Variants in RBFOX1 observed in about 807,000 individuals in gnomAD.
The protein encoded by RBFOX1 is RNA binding fox-1 homolog 1.
A neutral mutation model predicts 57.7 loss-of-function variants in RBFOX1; 8 were observed. The ratio of observed to expected loss-of-function variants is 0.14; its 90% CI spans 0.08 to 0.25. The LOEUF (loss-of-function observed/expected upper bound fraction) is 0.25, where lower values mean the gene tolerates loss of function less well. Among genes scored for constraint, RBFOX1 ranks in the 10% least tolerant of loss-of-function variants. RBFOX1 has a pLI of 1.00. For synonymous variants in RBFOX1, 326 were observed against 222.4 expected (o/e 1.47, Z -4.15); for missense variants, 611 against 548.5 (o/e 1.11, Z -1.14).
intron 4 of RBFOX1, among the ~76,000 whole-genome samples, chr16:7,219,966 A>C (rs1299029553): frequency 6.6e-6 from 1 of 152,206 alleles, no homozygotes; most frequent in Non-Finnish European, 1.5e-5. Flanking sequence ...ATTCAAACCA[A>C]TTGAATCTGA....
At chr16:5,530,535 T>G (rs1482487105) in intron 2 of RBFOX1, among the ~76,000 whole-genome samples, 1 of 152,214 alleles carries the variant, frequency 6.6e-6, no homozygotes, top group Non-Finnish European at 1.5e-5. Flanking sequence ...TAGGTGTTAC[T>G]CTCTGCGGCA....
chr16:7,295,538 C>T (rs985143262), intron 4 of RBFOX1, among the ~76,000 whole-genome samples: 2 of 152,030 alleles, frequency 1.3e-5, no homozygotes, highest in Non-Finnish European at 1.5e-5. Context: ...CATTATTCTC[C>T]TTAGAATGAA....
chr16:5,894,392 C>G (rs1048265961), intron 4 of RBFOX1, among the ~76,000 whole-genome samples: 20 of 152,160 alleles, frequency 1.3e-4, no homozygotes, highest in African/African-American at 4.1e-4. Context: ...CAGTGATTCT[C>G]TTGCCTCAGC....
chr16:7,199,549 A>C (rs1380604153), intron 4 of RBFOX1, among the ~76,000 whole-genome samples: 3 of 152,188 alleles, frequency 2.0e-5, no homozygotes, highest in Non-Finnish European at 4.4e-5. Flanking sequence ...AATGGTATCT[A>C]CTTCCATACA....
intron 4 of RBFOX1, among the ~76,000 whole-genome samples, chr16:7,255,411 G>C (rs577386584): frequency 1.3e-3 from 202 of 152,260 alleles, no homozygotes; most frequent in Non-Finnish European, 2.6e-3. Flanking sequence ...TAGGGGATTG[G>C]TTTAATAACA....
chr16:7,364,355 C>T (rs17648229), intron 4 of RBFOX1, among the ~76,000 whole-genome samples: 69,927 of 151,782 alleles, frequency 0.46, 18,016 homozygotes, highest in East Asian at 0.73. Context: ...TGAATTTGTC[C>T]TTTTTAAGAG....
intron 4 of RBFOX1, among the ~76,000 whole-genome samples, chr16:5,981,466 T>A (rs908504336): frequency 6.6e-6 from 1 of 152,162 alleles, no homozygotes; most frequent in African/African-American, 2.4e-5. Flanking sequence ...GTGTGATGTT[T>A]TATTTTATTA....
chr16:6,850,674 C>A (rs149267429), intron 3 of RBFOX1, among the ~76,000 whole-genome samples: 4 of 152,016 alleles, frequency 2.6e-5, no homozygotes, highest in African/African-American at 4.8e-5. Context: ...TTTTAACTTC[C>A]GTTACATATA....
chr16:7,252,392 G>T (rs750145028), intron 4 of RBFOX1, among the ~76,000 whole-genome samples: 1 of 152,184 alleles, frequency 6.6e-6, no homozygotes, highest in Non-Finnish European at 1.5e-5. Context: ...CATCTGGCTG[G>T]GGCAGAGGTC....
chr16:7,205,924 T>A (rs2152750848), intron 4 of RBFOX1, among the ~76,000 whole-genome samples: 1 of 152,354 alleles, frequency 6.6e-6, no homozygotes, highest in South Asian at 2.1e-4. Flanking sequence ...GTGTTTATGC[T>A]AGAATACAGG....
At chr16:5,729,726 C>G (rs961657494) in intron 3 of RBFOX1, among the ~76,000 whole-genome samples, 1 of 152,140 alleles carries the variant, frequency 6.6e-6, no homozygotes, top group East Asian at 1.9e-4. Context: ...TTCTTCTACT[C>G]TTATCGCAAC....
intron 4 of RBFOX1, among the ~76,000 whole-genome samples, chr16:5,871,802 T>C (rs984698132): frequency 6.6e-6 from 1 of 152,226 alleles, no homozygotes; most frequent in Non-Finnish European, 1.5e-5. Flanking sequence ...GTTGATACTT[T>C]AATGGCAATG....
chr16:6,394,630 T>C (rs1338224113), intron 2 of RBFOX1, among the ~76,000 whole-genome samples: 1 of 151,558 alleles, frequency 6.6e-6, no homozygotes. Flanking sequence ...ACTAGGTATC[T>C]AATATATATA....
At chr16:6,335,528 C>G (rs1025265726) in intron 2 of RBFOX1, among the ~76,000 whole-genome samples, 1 of 151,312 alleles carries the variant, frequency 6.6e-6, no homozygotes, top group Non-Finnish European at 1.5e-5. Context: ...GCCTGTAATC[C>G]CAGCACTTTG....
At chr16:7,327,955 C>A (rs1019158317) in intron 4 of RBFOX1, among the ~76,000 whole-genome samples, 1 of 152,078 alleles carries the variant, frequency 6.6e-6, no homozygotes, top group East Asian at 1.9e-4. Context: ...TCTCTAGATA[C>A]CCCCTGTCTC....
Position 5,852,491 on chromosome 16 carries a change from G to A in RBFOX1, c.319-14812G>A, listed in dbSNP as rs555642384. 2.9e-3 allele frequency among the ~76,000 whole-genome samples: 436 copies of A among 152,276 alleles called. 1 individual carries two copies. The highest frequency in any genetic ancestry group is 9.2e-3 in the African/African-American group (384 of 41,550). On this transcript the variant is annotated intron_variant, in intron 3 of 19. Coordinates refer to the RBFOX1 transcript ENST00000641259. ...ATGCAAAGTGCACTTTTATACCATC[G>A]TCTCAGCCAGCCATGGACTGCAGGC...
At chr16:7,000,622 CAG>C (rs147184192) in intron 3 of RBFOX1, among the ~76,000 whole-genome samples, 1,844 of 59,622 alleles carry the variant, frequency 0.031, 51 homozygotes, top group African/African-American at 0.088. Flanking sequence ...TTTTTTGAGA[CAG>C]AGTCTCGCTC....
At chr16:5,443,050 C>A (rs1303444260) in intron 1 of RBFOX1, among the ~76,000 whole-genome samples, 1 of 152,114 alleles carries the variant, frequency 6.6e-6, no homozygotes, top group African/African-American at 2.4e-5. Context: ...CTGAAAGAGG[C>A]AAGGAACAGT....
chr16:7,090,665 C>T (rs571030732), intron 4 of RBFOX1, among the ~76,000 whole-genome samples: 22 of 151,548 alleles, frequency 1.5e-4, no homozygotes, highest in African/African-American at 4.2e-4. Context: ...TGAGTGAGTA[C>T]AGGTTGCTGT....
Sources: gnomAD v4.1 joint callset for allele counts (sites outside exome capture counted in the v4.1 genomes callset) on GRCh38, gnomAD v4.1.1 for gene constraint, MANE v1.5 for transcripts, NCBI Gene and HGNC (gene_info 2026-07-23, HGNC 2026-07-21) for gene names.